ACTN2: variants seen among roughly 807,000 people sequenced by gnomAD.
ACTN2 encodes the protein alpha-actinin-2.
Under a neutral mutation model 113.8 loss-of-function variants are expected in ACTN2, and 39 were observed. The ratio of observed to expected loss-of-function variants is 0.34; its 90% CI spans 0.27 to 0.45. The LOEUF is 0.45. Among genes scored for constraint, ACTN2 ranks in the 20% least tolerant of loss-of-function variants. The pLI, the probability that ACTN2 is intolerant of heterozygous loss-of-function variation, is 1.00. For synonymous variants in ACTN2, 429 were observed against 444.1 expected (o/e 0.97, Z 0.43); for missense variants, 992 against 1,177.9 (o/e 0.84, Z 2.31).
chr1:236,759,677 C>T (rs1659650134), intron 18 of ACTN2, 47 bp from the exon 19 acceptor site: 1 of 1,529,522 alleles, frequency 6.5e-7, no homozygotes, highest in Non-Finnish European at 9.1e-7. Flanking sequence ...TAGAGTTGCT[C>T]ATCTTGCCCT....
intron 4 of ACTN2, 106 bp from the exon 5 acceptor site, chr1:236,725,827 C>G (rs1394910716): frequency 1.0e-6 from 1 of 962,008 alleles, no homozygotes; most frequent in African/African-American, 1.6e-5. Context: ...AGGAAGAGAC[C>G]CCCTGGGTGA....
intron 7 of ACTN2, 143 bp from the exon 8 acceptor site, chr1:236,735,492 G>T (rs1658841235): frequency 2.6e-6 from 2 of 755,208 alleles, no homozygotes; most frequent in Non-Finnish European, 4.7e-6. Context: ...TGAGGTTCGG[G>T]ACCACGGGCC....
chr1:236,711,724 G>T (rs886542618), intron 1 of ACTN2, among the ~76,000 whole-genome samples: 3 of 152,136 alleles, frequency 2.0e-5, no homozygotes, highest in African/African-American at 7.2e-5. Context: ...TTCTTTTTGT[G>T]GCTCTGAAAC....
At chr1:236,691,339 A>G (rs1427778042) in intron 1 of ACTN2, among the ~76,000 whole-genome samples, 22 of 152,092 alleles carry the variant, frequency 1.4e-4, no homozygotes, top group Non-Finnish European at 5.9e-5. Flanking sequence ...ATTGTTTAAT[A>G]ATAAGTGCAA....
chr1:236,759,566 C>T (rs567885990), intron 18 of ACTN2, among the ~76,000 whole-genome samples, 158 bp from the exon 19 acceptor site: 58 of 152,046 alleles, frequency 3.8e-4, no homozygotes, highest in Non-Finnish European at 6.5e-4. Context: ...TTGTAACATC[C>T]TTGTGCTGGC....
intron 1 of ACTN2, among the ~76,000 whole-genome samples, chr1:236,688,037 A>C (rs1004098408): frequency 6.6e-6 from 1 of 152,236 alleles, no homozygotes; most frequent in Admixed American, 6.5e-5. Flanking sequence ...ATAGAAAAAA[A>C]CAAAACTTCA....
intron 9 of ACTN2, among the ~76,000 whole-genome samples, chr1:236,737,968 A>G (rs553264280): frequency 1.3e-5 from 2 of 152,324 alleles, no homozygotes; most frequent in African/African-American, 4.8e-5. Context: ...CACATACTTC[A>G]GACCAAATAA....
rs1406139172 is a variant in ACTN2, at chr1:236,709,281, T to C, written c.127-8577T>C. 7.3e-5 allele frequency among the ~76,000 whole-genome samples: 10 copies of C among 136,710 alleles called. No individual in the cohort carries two copies. The East Asian group carries it at 1.2e-3, about 17-fold the overall frequency. The allele number at this position is 136,710 out of a possible 152,430, so 89.7% of individuals were successfully genotyped here. A position where few individuals can be genotyped will look rare whatever the true frequency, so the allele number is the denominator to read the frequency against. On this transcript the variant is annotated intron_variant, in intron 1 of 20. Transcript: ENST00000366578. The stretch of plus-strand genomic sequence containing the variant: ...ACACACACACACACACATATATATG[T>C]ATATATATGTATATATGTATATATA...
rs78254320 is a variant in ACTN2, at chr1:236,707,015, G to A, written c.127-10843G>A. ...TCTTCCTTTTGCAATGGAAAGCAAT[G>A]GGATTTGCCTTTTTACAAGAGTTAA... On this transcript the variant is annotated intron_variant, in intron 1 of 20. Coordinates refer to ENST00000366578, the MANE Select transcript of ACTN2 (RefSeq NM_001103.4). 1.9e-3 allele frequency among the ~76,000 whole-genome samples: 282 copies of A among 152,350 alleles called. 10 individuals carry two copies. In the East Asian group the frequency reaches 0.05, roughly 27 times the overall value.
intron 19 of ACTN2, 83 bp from the exon 20 acceptor site, chr1:236,760,932 A>AT: frequency 6.4e-7 from 1 of 1,552,488 alleles, no homozygotes; most frequent in African/African-American, 1.4e-5. Context: ...AGGAATTGGC[A>AT]TGTCACCAGG....
intron 1 of ACTN2, among the ~76,000 whole-genome samples, chr1:236,705,541 T>A (rs1024132516): frequency 1.3e-5 from 2 of 152,096 alleles, no homozygotes; most frequent in African/African-American, 2.4e-5. Context: ...TCCCTCTACT[T>A]TGATTTATTT....
intron 1 of ACTN2, among the ~76,000 whole-genome samples, chr1:236,704,557 T>C (rs897588420): frequency 1.4e-4 from 22 of 152,284 alleles, no homozygotes; most frequent in African/African-American, 5.3e-4. Context: ...CATGCCTCTT[T>C]GGGTTTGATC....
Position 236,739,592 on chromosome 1 carries a change from G to T in ACTN2, c.1107+60G>T, listed in dbSNP as rs1271631335. The stretch of plus-strand genomic sequence containing the variant: ...GGGAAGCCCTCCTTCTAGCCTAAAG[G>T]CGTTTGACCTGGGTCAGGAGGAGGC... On this transcript the variant is annotated intron_variant, in intron 10 of 20. Transcript: ENST00000366578. The T allele has an allele frequency of 1.0e-5, 16 of 1,581,306 alleles. 1 individual carries two copies. In the South Asian group the frequency reaches 1.0e-4, roughly 10 times the overall value.
chr1:236,725,028 T>C (rs1466987375), intron 4 of ACTN2, among the ~76,000 whole-genome samples: 1 of 152,200 alleles, frequency 6.6e-6, no homozygotes, highest in Non-Finnish European at 1.5e-5. Flanking sequence ...TGTCATCAAC[T>C]ACACACAGTT....
At chr1:236,750,637 T>G (rs759241247) in intron 14 of ACTN2, among the ~76,000 whole-genome samples, 33 of 152,198 alleles carry the variant, frequency 2.2e-4, no homozygotes, top group Non-Finnish European at 2.9e-4. Flanking sequence ...AGAATAGGTT[T>G]GATAAATGGC....
At chr1:236,713,370 G>C (rs1425078114) in intron 1 of ACTN2, among the ~76,000 whole-genome samples, 1 of 152,014 alleles carries the variant, frequency 6.6e-6, no homozygotes, top group Admixed American at 6.6e-5. Flanking sequence ...TGGGATTACA[G>C]GTGTGCATCA....
chr1:236,762,115 C>T (rs1287150456), intron 20 of ACTN2, among the ~76,000 whole-genome samples: 1 of 152,152 alleles, frequency 6.6e-6, no homozygotes, highest in Non-Finnish European at 1.5e-5. Flanking sequence ...TGGAATTGTC[C>T]TATTTCCCAC....
chr1:236,716,806 C>G (rs959058782), intron 1 of ACTN2, among the ~76,000 whole-genome samples: 6 of 150,498 alleles, frequency 4.0e-5, no homozygotes, highest in Admixed American at 1.3e-4. Context: ...TATCACCCAC[C>G]CTCTCCTCTA....
At chr1:236,706,251 T>C (rs2102875838) in intron 1 of ACTN2, among the ~76,000 whole-genome samples, 1 of 152,268 alleles carries the variant, frequency 6.6e-6, no homozygotes, top group South Asian at 2.1e-4. Context: ...GGTTTCTTTT[T>C]ATTAAAAAAA....
Sources: gnomAD v4.1 joint callset for allele counts (sites outside exome capture counted in the v4.1 genomes callset) on GRCh38, gnomAD v4.1.1 for gene constraint, MANE v1.5 for transcripts, NCBI Gene and HGNC (gene_info 2026-07-23, HGNC 2026-07-21) for gene names.